Variants in XKRX observed in about 807,000 individuals in gnomAD.
XKRX encodes XK-related protein 2.
Under a neutral mutation model 22.4 loss-of-function variants are expected in XKRX, and 11 were observed. The observed-to-expected ratio is 0.49, with a 90% CI of 0.31 to 0.81. The LOEUF (loss-of-function observed/expected upper bound fraction) is 0.81, where lower values mean the gene tolerates loss of function less well. Ranked by LOEUF, XKRX falls within the 40% of genes least tolerant of loss-of-function variation. XKRX has a pLI of 0.05. For missense variants in XKRX, 320 were observed against 336.5 expected (o/e 0.95, Z 0.38); for synonymous variants, 114 against 132.2 (o/e 0.86, Z 0.94).
the XKRX span, among the ~76,000 whole-genome samples, chrX:100,945,119 C>G: frequency 9.2e-6 from 1 of 108,648 alleles, no homozygotes; most frequent in African/African-American, 3.4e-5. Flanking sequence ...GCTCTGTCAC[C>G]CAGACTGGAG....
the XKRX span, among the ~76,000 whole-genome samples, chrX:100,891,521 C>T: frequency 9.2e-6 from 1 of 108,910 alleles, no homozygotes; most frequent in Non-Finnish European, 1.9e-5. Context: ...AATAAGAGTC[C>T]AGAAATAAAT....
intron 1 of XKRX, among the ~76,000 whole-genome samples, chrX:100,926,225 T>C (rs763645221): frequency 2.7e-5 from 3 of 111,765 alleles, no homozygotes; most frequent in Non-Finnish European, 5.6e-5. Flanking sequence ...ACTAACCCAT[T>C]TGCTTTACAG....
the XKRX span, among the ~76,000 whole-genome samples, chrX:100,903,177 A>C: frequency 1.8e-5 from 2 of 111,972 alleles, no homozygotes; most frequent in African/African-American, 6.5e-5. Context: ...ACAACAAAAA[A>C]AGGCAAGAAC....
chrX:100,928,260 C>G lies in XKRX; in HGVS notation c.45G>C (p.Pro15=), dbSNP rs1602418100. The G allele has an allele frequency of 3.3e-6, 4 of 1,211,287 alleles. No individual in the cohort carries two copies. The highest frequency in any genetic ancestry group is 3.4e-6 in the Non-Finnish European group (3 of 895,456). Residue 15 remains proline, a synonymous_variant, in exon 1 of 3, where the codon CCG becomes CCC. Coordinates refer to ENST00000372956, the MANE Select transcript of XKRX (RefSeq NM_212559.3). ...TGACATCTTCCTCCAGAGATGAAAC[C>G]GGATCCACATTTGGCTCCTCAGGAA... ...YEIPEEPNVD[P]VSSLEEDVIR...
chrX:100,950,334 C>T, the XKRX span, among the ~76,000 whole-genome samples: 1 of 112,038 alleles, frequency 8.9e-6, no homozygotes, highest in Non-Finnish European at 1.9e-5. Context: ...ATATTCATAA[C>T]CTATATAAAT....
chrX:100,914,685 C>T lies in XKRX; in HGVS notation c.1003G>A (p.Ala335Thr), dbSNP rs183844624. 6.0e-5 allele frequency: 73 copies of T among 1,210,155 alleles called. No homozygotes were observed. In the Middle Eastern group the frequency reaches 1.8e-3, roughly 30 times the overall value. Reference protein sequence around the residue: ...SCWSALQLRLADRDLVDKGQN... With the variant: ...SCWSALQLRLTDRDLVDKGQN... ...CCTTTGTCGACGAGATCTCTGTCTG[C>T]CAACCTCAACTGCAAAGCTGACCAG... Residue 335 changes from alanine to threonine, a missense_variant, in exon 3 of 3, where the codon GCA becomes ACA. Ala to Thr is a moderately conservative substitution (Grantham distance 58). Coordinates refer to ENST00000372956, the MANE Select transcript of XKRX (RefSeq NM_212559.3).
chrX:100,952,269 G>C, the XKRX span, among the ~76,000 whole-genome samples: 1 of 110,649 alleles, frequency 9.0e-6, no homozygotes, highest in South Asian at 3.8e-4. Flanking sequence ...CATGATAAAA[G>C]CTCTTAGCAA....
chrX:100,928,664 G>A lies in XKRX; in HGVS notation c.-360C>T. ...AAGAGTCATGAGAACAGCGGCTTCC[G>A]TGGCGGCTCCTTTCGCAGCCCCTCA... On this transcript the variant is annotated 5_prime_UTR_variant, in exon 1 of 3. In the 5' UTR this introduces an upstream ATG that the reference lacks. Coordinates refer to ENST00000372956, the MANE Select transcript of XKRX (RefSeq NM_212559.3). The A allele has an allele frequency of 1.2e-6, 1 of 800,494 alleles. No homozygotes were observed. The allele number at this position is 800,494 out of a possible 1,213,427, so 66.0% of individuals were successfully genotyped here.
rs2085416384 is a variant in XKRX at position 100,913,661 on chromosome X, T to C, written c.*677A>G. The C allele has an allele frequency of 8.9e-6, 1 of 112,421 alleles. No homozygotes were observed. The highest frequency in any genetic ancestry group is 3.2e-5 in the African/African-American group (1 of 30,940). 9.3% of individuals were successfully genotyped at this position (112,421 alleles called of 1,213,427 possible). On this transcript the variant is annotated 3_prime_UTR_variant, in exon 3 of 3. Transcript: ENST00000372956. ...CAGGTCCCTGAGAAAAAGAGTCATT[T>C]TGGCTTATGCCCTGAAGGAATTCTA...
At chrX:100,912,933 C>A (rs2085411878), downstream of XKRX, among the ~76,000 whole-genome samples, 1 of 111,823 alleles carries the variant, frequency 8.9e-6, no homozygotes. Context: ...TGAGGTGGCT[C>A]ATGCCTGTAA....
chrX:100,955,050 G>T, the XKRX span, among the ~76,000 whole-genome samples: 5 of 111,849 alleles, frequency 4.5e-5, no homozygotes, highest in African/African-American at 1.6e-4. Flanking sequence ...TTAAATGGGA[G>T]AATTGTATGA....
chrX:100,905,592 T>C, the XKRX span, among the ~76,000 whole-genome samples: 1 of 112,380 alleles, frequency 8.9e-6, no homozygotes, highest in South Asian at 3.7e-4. Context: ...TGAAAAAAGC[T>C]TGAAACATTT....
At chrX:100,910,118 G>A (rs1316475627), downstream of XKRX, among the ~76,000 whole-genome samples, 1 of 109,944 alleles carries the variant, frequency 9.1e-6, no homozygotes, top group African/African-American at 3.3e-5. Context: ...CCCATACTTA[G>A]CCTACCAAAT....
upstream of XKRX, chrX:100,928,957 C>A: frequency 2.0e-6 from 1 of 490,423 alleles, no homozygotes; most frequent in African/African-American, 2.6e-5. Flanking sequence ...CGGATTCCCC[C>A]AAGCCCCGCC....
chrX:100,951,764 C>T, the XKRX span, among the ~76,000 whole-genome samples: 3 of 111,747 alleles, frequency 2.7e-5, no homozygotes, highest in Non-Finnish European at 5.6e-5. Context: ...ATACTATGAA[C>T]AACTCTGCAT....
Position 100,928,110 on chromosome X carries a change from G to GT in XKRX, c.194dup (p.Tyr65Ter). 1.7e-6 allele frequency: 2 copies of GT among 1,211,740 alleles called. No individual in the cohort carries two copies. The highest frequency in any genetic ancestry group is 1.1e-6 in the Non-Finnish European group (1 of 895,509). Reference protein sequence around the residue: ...VRIYRKNSETYWMTYTFSFFM... With the variant: ...VRIYRKNSET ...AGAAAGAAAAGGTGTATGTCATCCAGTAAGTTTCACTATTCTTTCGATAGA... is the reference window on the plus strand; with the variant it reads ...AGAAAGAAAAGGTGTATGTCATCCAGTTAAGTTTCACTATTCTTTCGATAGA... The change falls in exon 1 of 3, where the codon TAC becomes TAAC. Residue 65 changes from tyrosine (Y) to a stop codon, truncating the protein, a stop_gained and frameshift_variant. Coordinates refer to ENST00000372956, the MANE Select transcript of XKRX (RefSeq NM_212559.3). LOFTEE classifies it high-confidence loss of function.
chrX:100,903,798 TAAAGA>T, the XKRX span, among the ~76,000 whole-genome samples: 1 of 112,112 alleles, frequency 8.9e-6, no homozygotes, highest in Non-Finnish European at 1.9e-5. Context: ...AAGTTCTATA[TAAAGA>T]AAACTACAAA....
the XKRX span, among the ~76,000 whole-genome samples, chrX:100,941,484 G>T: frequency 9.0e-6 from 1 of 111,685 alleles, no homozygotes; most frequent in Non-Finnish European, 1.9e-5. Flanking sequence ...AGGAGGCAGA[G>T]GTTGCAGTGA....
upstream of XKRX, among the ~76,000 whole-genome samples, chrX:100,933,925 T>G (rs1401577292): frequency 9.0e-6 from 1 of 111,531 alleles, no homozygotes; most frequent in Admixed American, 9.6e-5. Context: ...CCATTTAAAG[T>G]GTACAATTTA....
Sources: allele counts gnomAD v4.1 joint callset (sites outside exome capture counted in the v4.1 genomes callset), GRCh38; gene constraint gnomAD v4.1.1; transcripts MANE v1.5; gene names NCBI Gene and HGNC (gene_info 2026-07-23, HGNC 2026-07-21).